The following EPPK1 variants were observed in gnomAD, a reference collection of about 807,000 sequenced individuals.
The protein encoded by EPPK1 is epiplakin.
For missense variants in EPPK1, 3,823 were observed against 3,673.3 expected, an observed-to-expected ratio of 1.04 and a Z score of -1.05; for synonymous variants, 1,862 against 1,721.2, an observed-to-expected ratio of 1.08 and a Z score of -2.03.
intron 1 of EPPK1, among the ~76,000 whole-genome samples, chr8:143,873,739 C>T (rs1025112092): frequency 1.3e-5 from 2 of 151,428 alleles, no homozygotes; most frequent in East Asian, 1.9e-4. Context: ...GCCTGGGCAC[C>T]GGCATCTCCC....
chr8:143,857,994 A>G lies in EPPK1; in HGVS notation c.15260T>C (p.Leu5087Pro). The G allele has an allele frequency of 1.3e-6, 2 of 1,592,864 alleles. No individual in the cohort carries two copies. The highest frequency in any genetic ancestry group is 1.7e-6 in the Non-Finnish European group (2 of 1,166,542). ...ETGLLFLSLS[L>P]Q ...TGCACGGAGGAAGCCCAGTCACTGTAGAGAGAGAGAAAGAAATAGGAGCCC... is the reference window on the plus strand; with the variant it reads ...TGCACGGAGGAAGCCCAGTCACTGTGGAGAGAGAGAAAGAAATAGGAGCCC... The change falls in exon 2 of 2, where the codon CTA (leucine) becomes CCA (proline). Residue 5087 changes from leucine (L) to proline (P), a missense_variant. Physicochemically the swap from Leu to Pro is moderately conservative, Grantham distance 98. Transcript: ENST00000615648.
intron 1 of EPPK1, 113 bp from the exon 2 acceptor site, chr8:143,873,411 C>G: frequency 1.4e-6 from 1 of 730,766 alleles, no homozygotes; most frequent in Non-Finnish European, 2.0e-6. Context: ...CACCCACAGA[C>G]GTGCAGCTAG....
Position 143,858,224 on chromosome 8 carries a change from C to T in EPPK1, c.15030G>A (p.Gln5010=), listed in dbSNP as rs1818951253. Reference sequence around the variant, plus strand: ...GGTCGATGACGCCGCCCGTGGCGATCTGGGCCTCCAGCAGGCGGATGCCGT... The same window carrying T: ...GGTCGATGACGCCGCCCGTGGCGATTTGGGCCTCCAGCAGGCGGATGCCGT... The part of the protein sequence containing the change: ...REHGIRLLEA[Q]IATGGVIDPV... The change falls in exon 2 of 2, where the codon CAG becomes CAA. Residue 5010 remains glutamine (Q), a synonymous_variant. Coordinates refer to ENST00000615648, the MANE Select transcript of EPPK1 (RefSeq NM_031308.4). 1 of 1,607,642 alleles carries T rather than the reference C, an allele frequency of 6.2e-7. No homozygotes were observed. The highest frequency in any genetic ancestry group is 8.5e-7 in the Non-Finnish European group (1 of 1,178,178).
In EPPK1 at chr8:143,870,844, G is replaced by A. The variant is rs200744657; in HGVS notation, c.2410C>T (p.Pro804Ser). The A allele has an allele frequency of 3.0e-4, 490 of 1,612,946 alleles. 4 individuals are homozygous for A. In the African/African-American group the frequency reaches 5.8e-3, roughly 19 times the overall value. The change falls in exon 2 of 2, where the codon CCG becomes TCG. Residue 804 changes from proline (P) to serine (S), a missense_variant. By Grantham distance (74) the Pro-to-Ser change is moderately conservative. Coordinates refer to ENST00000615648, the MANE Select transcript of EPPK1 (RefSeq NM_031308.4). The surrounding 1 kb of genome is among the most constrained non-coding windows in gnomAD (Gnocchi z 5.2). ...TGCTGGGTGGCACTGTCCACCAGCG[G>A]GGACTGCGTGCTGCTGAGTGGCAGG... ...YLLPLSSTQSPLVDSATQQAF... is the reference protein window; with the variant it reads ...YLLPLSSTQSSLVDSATQQAF...
At position 143,866,598 on chromosome 8, in the gene EPPK1, T is replaced by A. The variant is rs1586685875; in HGVS notation, c.6656A>T (p.Tyr2219Phe). ...CGCGATGCAGCTGGTGCCCTCCAGG[T>A]AGCGCTTGACGCGGTCGTCCTCCAT... is the stretch of plus-strand genomic sequence containing the variant. ...ELMEDDRVKR[Y>F]LEGTSCIAGV... Residue 2219 changes from tyrosine (Y) to phenylalanine (F), a missense_variant, in exon 2 of 2, where the codon TAC becomes TTC. Transcript: ENST00000615648. The A allele has an allele frequency of 6.8e-6, 11 of 1,612,612 alleles. No individual in the cohort carries two copies. Among genetic ancestry groups the A allele is most frequent in the Non-Finnish European group, 9.3e-6 (11 of 1,179,826 alleles).
In EPPK1 at chr8:143,868,280, C is replaced by T. The variant is rs1554659854; in HGVS notation, c.4974G>A (p.Gly1658=). 4.3e-6 allele frequency: 7 copies of T among 1,613,202 alleles called. No homozygotes were observed. Among genetic ancestry groups the T allele is most frequent in the Admixed American group, 1.7e-5 (1 of 60,032 alleles). The change falls in exon 2 of 2, where the codon GGG becomes GGA. Residue 1658 remains glycine, a synonymous_variant. Transcript: ENST00000615648. The part of the protein sequence containing the change: ...AVTGYTDPYT[G]QQISLFQAMQ... Reference sequence around the variant, plus strand: ...TGGCCTGGAAGAGGGAGATCTGCTGCCCGGTATAGGGGTCGGTGTAGCCGG... The same window carrying T: ...TGGCCTGGAAGAGGGAGATCTGCTGTCCGGTATAGGGGTCGGTGTAGCCGG...
chr8:143,871,382 C>A lies in EPPK1; in HGVS notation c.1872G>T (p.Leu624=). The A allele has an allele frequency of 6.2e-7, 1 of 1,606,974 alleles. No individual in the cohort carries two copies. Among genetic ancestry groups the A allele is most frequent in the East Asian group, 2.2e-5 (1 of 44,654 alleles). The stretch of plus-strand genomic sequence containing the variant: ...CCTTGCATCGGGCCTCATAGATGCT[C>A]AGGCGTTCCTGGGAGCCAGGGAGCA... ...GLLLPGSQER[L]SIYEARCKGL... The change falls in exon 2 of 2, where the codon CTG becomes CTT. Residue 624 remains leucine (L), a synonymous_variant. Transcript: ENST00000615648.
Position 143,857,854 on chromosome 8 carries a change from C to T in EPPK1, c.*133G>A. On this transcript the variant is annotated 3_prime_UTR_variant, in exon 2 of 2. Coordinates refer to ENST00000615648, the MANE Select transcript of EPPK1 (RefSeq NM_031308.4). ...GTCACATGACAACTTAAAACGTTTT[C>T]CACAGATAACGAATGGGTAAAACAA... 3.0e-6 allele frequency: 2 copies of T among 673,292 alleles called. No individual in the cohort carries two copies. The highest frequency in any genetic ancestry group is 4.6e-6 in the Non-Finnish European group (2 of 436,688). 41.7% of individuals were successfully genotyped at this position (673,292 alleles called of 1,614,324 possible).
chr8:143,867,685 C>A lies in EPPK1; in HGVS notation c.5569G>T (p.Ala1857Ser). Residue 1857 changes from alanine to serine, a missense_variant, in exon 2 of 2, where the codon GCA (alanine) becomes TCA (serine). By Grantham distance (99) the Ala-to-Ser change is moderately conservative (BLOSUM62 1). Transcript: ENST00000615648. ...VAAIRGEVTA[A>S]DLFNSRVIDQ... ...ATGACCCTGGAGTTGAACAGGTCTG[C>A]AGCTGTCACCTCCCCTCTGATGGCC... is the stretch of plus-strand genomic sequence containing the variant. The A allele has an allele frequency of 6.2e-7, 1 of 1,613,560 alleles. No individual in the cohort carries two copies. The highest frequency in any genetic ancestry group is 8.5e-7 in the Non-Finnish European group (1 of 1,179,854).
Position 143,872,648 on chromosome 8 carries a change from G to A in EPPK1, c.606C>T (p.Asp202=), listed in dbSNP as rs781898076. ...ATGTCAGCCGCTCCAGCGTGTTGGG[G>A]TCGAGGAAGCGCAGGTCACCTGTGC... The part of the protein sequence containing the change: ...EPGTGDLRFL[D]PNTLERLTYH... The change falls in exon 2 of 2, where the codon GAC becomes GAT. Residue 202 remains aspartate, a synonymous_variant. Transcript: ENST00000615648. The A allele has an allele frequency of 5.0e-6, 8 of 1,609,856 alleles. No individual in the cohort carries two copies. The highest frequency in any genetic ancestry group is 5.9e-6 in the Non-Finnish European group (7 of 1,179,546).
rs782682135 is a variant in EPPK1 at position 143,870,278 on chromosome 8, C to T, written c.2976G>A (p.Val992=). Residue 992 remains valine (V), a synonymous_variant, in exon 2 of 2, where the codon GTG becomes GTA. Transcript: ENST00000615648. This position sits in a 1 kb window ranked among gnomAD's most constrained non-coding sequence, Gnocchi z 5.2. The part of the protein sequence containing the change: ...LSVDEAVRRG[V]VGPELYGRLK... ...GCCTGCCATACAGCTCCGGCCCCAC[C>T]ACACCCCTGCGCACGGCCTCATCCA... 6.3e-6 allele frequency: 10 copies of T among 1,590,962 alleles called. No homozygotes were observed. In the Admixed American group the frequency reaches 1.4e-4, roughly 22 times the overall value.
chr8:143,866,825 A>C lies in EPPK1; in HGVS notation c.6429T>G (p.Tyr2143Ter). ...GCAGTGCCCGTCTGGTGTGTGTTCT[A>C]TACATCCTCACCAGCTGGAGCTTCT... is the stretch of plus-strand genomic sequence containing the variant. The part of the protein sequence containing the change: ...EEKKLQLVRM[Y>*]RTHTRRALQT... The change falls in exon 2 of 2, where the codon TAT becomes TAG. Residue 2143 changes from tyrosine to a stop codon, truncating the protein, a stop_gained. Transcript: ENST00000615648. LOFTEE classifies it low-confidence loss of function (END_TRUNC). 1 of 1,613,374 alleles carries C rather than the reference A, an allele frequency of 6.2e-7. No homozygotes were observed. The highest frequency in any genetic ancestry group is 1.1e-5 in the South Asian group (1 of 91,080).
rs781885118 is a variant in EPPK1, at chr8:143,867,149, A to T, written c.6105T>A (p.Cys2035Ter). Residue 2035 changes from cysteine to a stop codon, truncating the protein, a stop_gained, in exon 2 of 2, where the codon TGT (cysteine) becomes TGA (stop). Coordinates refer to ENST00000615648, the MANE Select transcript of EPPK1 (RefSeq NM_031308.4). LOFTEE classifies it low-confidence loss of function (END_TRUNC). ...LPLETAYRRG[C>*]LHKDIYALIS... ...TGAGCGCATAGATGTCCTTGTGCAGACAGCCCCGTCTGTAGGCTGTTTCCA... is the reference window on the plus strand; with the variant it reads ...TGAGCGCATAGATGTCCTTGTGCAGTCAGCCCCGTCTGTAGGCTGTTTCCA... 3.1e-6 allele frequency: 5 copies of T among 1,612,582 alleles called. No individual in the cohort carries two copies. Among genetic ancestry groups the T allele is most frequent in the Non-Finnish European group, 4.2e-6 (5 of 1,179,684 alleles).
rs1819156807 is a variant in EPPK1 at position 143,867,226 on chromosome 8, G to A, written c.6028C>T (p.Gln2010Ter). The A allele has an allele frequency of 6.2e-7, 1 of 1,612,692 alleles. No individual in the cohort carries two copies. The highest frequency in any genetic ancestry group is 2.2e-5 in the East Asian group (1 of 44,880). ...TCGATGACACCCCCCGTGGCCACCT[G>A]CACCTCCAGCAGCCTCAGTGCCTCC... ...KAEALRLLEV[Q>*]VATGGVIDPQ... The change falls in exon 2 of 2, where the codon CAG (glutamine) becomes TAG (stop). Residue 2010 changes from glutamine to a stop codon, truncating the protein, a stop_gained. Transcript: ENST00000615648. LOFTEE classifies it low-confidence loss of function (END_TRUNC).
rs782161980 is a variant in EPPK1 at position 143,872,147 on chromosome 8, G to A, written c.1107C>T (p.Pro369=). The A allele has an allele frequency of 1.3e-6, 2 of 1,579,078 alleles. No homozygotes were observed. The highest frequency in any genetic ancestry group is 1.2e-5 in the South Asian group (1 of 86,778). The change falls in exon 2 of 2, where the codon CCC becomes CCT. Residue 369 remains proline (P), a synonymous_variant. Transcript: ENST00000615648. ...AAAGGGGGATTTGGGAGCCACTGAA[G>A]GGGTCGTGGTGCCCTGTCACGGCCT... is the stretch of plus-strand genomic sequence containing the variant. The part of the protein sequence containing the change: ...AEQAVTGHHD[P]FSGSQIPLFQ...
Position 143,872,702 on chromosome 8 carries a change from T to G in EPPK1, c.552A>C (p.Thr184=), listed in dbSNP as rs782197081. ...ACHQGLLDRE[T]WHKLSELEPG... ...GCTCAAGCTCTGACAGCTTGTGCCATGTCTCCCGGTCCAGGAGGCCCTGGT... is the reference window on the plus strand; with the variant it reads ...GCTCAAGCTCTGACAGCTTGTGCCAGGTCTCCCGGTCCAGGAGGCCCTGGT... Residue 184 remains threonine, a synonymous_variant, in exon 2 of 2, where the codon ACA becomes ACC. Transcript: ENST00000615648. The G allele has an allele frequency of 1.9e-6, 3 of 1,600,930 alleles. No homozygotes were observed. The Admixed American group carries it at 5.0e-5, about 27-fold the overall frequency.
At position 143,871,241 on chromosome 8, in the gene EPPK1, A is replaced by G; in HGVS notation, c.2013T>C (p.Ala671=). ...TCGCGAACACATCAGGCCCAATGACAGCAGCCCTCAGTGCCTCCTCAACGG... is the reference window on the plus strand; with the variant it reads ...TCGCGAACACATCAGGCCCAATGACGGCAGCCCTCAGTGCCTCCTCAACGG... ...GHSVEEALRA[A]VIGPDVFAKL... is the part of the protein sequence containing the mutation. The change falls in exon 2 of 2, where the codon GCT becomes GCC. Residue 671 remains alanine (A), a synonymous_variant. Transcript: ENST00000615648. 2 of 1,613,118 alleles carry G rather than the reference A, an allele frequency of 1.2e-6. No individual in the cohort carries two copies. The highest frequency in any genetic ancestry group is 1.7e-6 in the Non-Finnish European group (2 of 1,179,952).
At chr8:143,878,862 C>T (rs1457307943), upstream of EPPK1, among the ~76,000 whole-genome samples, 3 of 152,126 alleles carry the variant, frequency 2.0e-5, no homozygotes, top group Non-Finnish European at 4.4e-5. Flanking sequence ...TGCTCAGCTT[C>T]CTGGGGACGC....
chr8:143,866,827 A>C lies in EPPK1; in HGVS notation c.6427T>G (p.Tyr2143Asp). 1 of 1,613,378 alleles carries C rather than the reference A, an allele frequency of 6.2e-7. No individual in the cohort carries two copies. The highest frequency in any genetic ancestry group is 8.5e-7 in the Non-Finnish European group (1 of 1,179,860). ...EEKKLQLVRM[Y>D]RTHTRRALQT... ...AGTGCCCGTCTGGTGTGTGTTCTAT[A>C]CATCCTCACCAGCTGGAGCTTCTTC... Residue 2143 changes from tyrosine (Y) to aspartate (D), a missense_variant, in exon 2 of 2, where the codon TAT (tyrosine) becomes GAT (aspartate). Physicochemically the swap from Tyr to Asp is radical, Grantham distance 160. Transcript: ENST00000615648.
Sources: gnomAD v4.1 joint callset for allele counts (sites outside exome capture counted in the v4.1 genomes callset) on GRCh38, gnomAD v4.1.1 for gene constraint, Gnocchi (gnomAD v3.1) non-coding constraint, MANE v1.5 for transcripts, NCBI Gene and HGNC (gene_info 2026-07-23, HGNC 2026-07-21) for gene names.